Variants in FMN2 observed in about 807,000 individuals in gnomAD.
FMN2 encodes the protein formin-2.
A neutral mutation model predicts 142.3 loss-of-function variants in FMN2; 51 were observed. The ratio of observed to expected loss-of-function variants is 0.36; its 90% CI spans 0.29 to 0.45. The LOEUF (loss-of-function observed/expected upper bound fraction) is 0.45, where lower values mean the gene tolerates loss of function less well. FMN2 is among the 20% of genes least tolerant of loss of function. The probability of loss-of-function intolerance (pLI) is 1.00; values close to 1 mark genes in which losing one functional copy is unlikely to be tolerated. For missense variants in FMN2, 1,936 were observed against 2,122.8 expected (o/e 0.91, Z 1.73); for synonymous variants, 882 against 869.8 (o/e 1.01, Z -0.25).
chr1:240,446,959 G>T (rs1293083463), intron 16 of FMN2, among the ~76,000 whole-genome samples: 1 of 152,132 alleles, frequency 6.6e-6, no homozygotes, highest in Non-Finnish European at 1.5e-5. Flanking sequence ...AAAATGGAAG[G>T]TGTTTCTTCT....
intron 7 of FMN2, among the ~76,000 whole-genome samples, chr1:240,264,862 C>T (rs529774174): frequency 2.5e-4 from 38 of 152,070 alleles, no homozygotes; most frequent in Admixed American, 6.6e-4. Flanking sequence ...TTGCTTCTTC[C>T]GCCTCCTTCC....
At chr1:240,318,488 A>G (rs1343238681) in intron 8 of FMN2, among the ~76,000 whole-genome samples, 1 of 151,848 alleles carries the variant, frequency 6.6e-6, no homozygotes, top group Non-Finnish European at 1.5e-5. Context: ...GATAAATGGG[A>G]AGAAAATAGA....
chr1:240,142,417 C>T (rs1663222338), intron 2 of FMN2, among the ~76,000 whole-genome samples: 1 of 151,974 alleles, frequency 6.6e-6, no homozygotes, highest in Non-Finnish European at 1.5e-5. Flanking sequence ...GATGGATGGA[C>T]AAGAAGACTT....
Position 240,230,732 on chromosome 1 carries a change from T to C in FMN2, c.4065+19497T>C, listed in dbSNP as rs1173976248. On this transcript the variant is annotated intron_variant, in intron 6 of 17. Coordinates refer to ENST00000319653, the MANE Select transcript of FMN2 (RefSeq NM_020066.5). ...TCCTGTATAATGTTGTTGGTGTTTTTACTTGCAGCTCCTTTTACTAACATT... is the reference window on the plus strand; with the variant it reads ...TCCTGTATAATGTTGTTGGTGTTTTCACTTGCAGCTCCTTTTACTAACATT... Among the ~76,000 whole-genome samples, 2 of 132,444 alleles carry C rather than the reference T, an allele frequency of 1.5e-5. 1 individual carries two copies. Among genetic ancestry groups the C allele is most frequent in the Non-Finnish European group, 3.2e-5 (2 of 63,104 alleles). The allele number at this position is 132,444 out of a possible 152,430, so 86.9% of individuals were successfully genotyped here. A position where few individuals can be genotyped will look rare whatever the true frequency, so the allele number is the denominator to read the frequency against.
chr1:240,279,299 T>C (rs1669319577), intron 7 of FMN2, among the ~76,000 whole-genome samples: 1 of 152,212 alleles, frequency 6.6e-6, no homozygotes, highest in African/African-American at 2.4e-5. Context: ...AGAGGACAGA[T>C]ACATCTTGCT....
chr1:240,243,354 A>G (rs189883607), intron 6 of FMN2, among the ~76,000 whole-genome samples: 29 of 152,318 alleles, frequency 1.9e-4, no homozygotes, highest in Admixed American at 1.8e-3. Flanking sequence ...CTGAATCCAA[A>G]TCAAGGTTAT....
intron 1 of FMN2, among the ~76,000 whole-genome samples, chr1:240,099,686 T>C (rs1489551339): frequency 6.6e-6 from 1 of 152,230 alleles, no homozygotes; most frequent in Non-Finnish European, 1.5e-5. Context: ...ATGATTCGTC[T>C]CTTTTGCTTT....
intron 15 of FMN2, among the ~76,000 whole-genome samples, chr1:240,399,652 T>C (rs1386789360): frequency 6.6e-6 from 1 of 152,194 alleles, no homozygotes; most frequent in Non-Finnish European, 1.5e-5. Flanking sequence ...ATTGCAGACG[T>C]TCTGTTCCAG....
intron 2 of FMN2, among the ~76,000 whole-genome samples, chr1:240,166,872 A>G (rs1474201049): frequency 6.6e-6 from 1 of 152,212 alleles, no homozygotes; most frequent in African/African-American, 2.4e-5. Flanking sequence ...CTGTAATCCC[A>G]GAACTTTGGG....
rs181604567 is a variant in FMN2, at chr1:240,287,907, C to T, written c.4154-6915C>T. Among the ~76,000 whole-genome samples the T allele has an allele frequency of 4.7e-3, 719 of 152,222 alleles. 9 individuals carry two copies. Among genetic ancestry groups the T allele is most frequent in the South Asian group, 0.025 (121 of 4,808 alleles). ...ATAATAAGTTGTGTGGTCACTGTGC[C>T]CCACTGCCTTCCAGTGCCATCAGGT... On this transcript the variant is annotated intron_variant, in intron 7 of 17. Transcript: ENST00000319653.
chr1:240,197,779 C>G (rs763407653), intron 4 of FMN2, among the ~76,000 whole-genome samples: 22 of 143,916 alleles, frequency 1.5e-4, no homozygotes, highest in Non-Finnish European at 2.9e-4. Flanking sequence ...TCAAGCAATT[C>G]TGCCTCAGCC....
intron 6 of FMN2, among the ~76,000 whole-genome samples, chr1:240,224,851 G>C (rs1161326360): frequency 2.6e-5 from 4 of 152,184 alleles, no homozygotes; most frequent in African/African-American, 7.2e-5. Flanking sequence ...ATGTAGCAAT[G>C]TGTAAGAAAA....
intron 1 of FMN2, among the ~76,000 whole-genome samples, chr1:240,106,503 G>A (rs1451363247): frequency 6.6e-6 from 1 of 152,060 alleles, no homozygotes; most frequent in Non-Finnish European, 1.5e-5. Flanking sequence ...TGGATTCCTG[G>A]TAGATAATAC....
intron 6 of FMN2, among the ~76,000 whole-genome samples, chr1:240,229,414 C>T (rs1164291123): frequency 1.3e-5 from 2 of 152,096 alleles, no homozygotes; most frequent in African/African-American, 4.8e-5. Context: ...TCTTGGTAAT[C>T]AACATACCTT....
At chr1:240,360,350 T>C (rs1456172273) in intron 14 of FMN2, among the ~76,000 whole-genome samples, 2 of 152,194 alleles carry the variant, frequency 1.3e-5, no homozygotes, top group Non-Finnish European at 2.9e-5. Context: ...TCTGAATCTG[T>C]ATTTTCTGTG....
chr1:240,223,292 A>G (rs1459033836), intron 6 of FMN2, among the ~76,000 whole-genome samples: 1 of 152,046 alleles, frequency 6.6e-6, no homozygotes, highest in Non-Finnish European at 1.5e-5. Flanking sequence ...TACGTTTTTG[A>G]TTTATGTATG....
chr1:240,390,385 G>T (rs2103095367), intron 14 of FMN2, among the ~76,000 whole-genome samples: 1 of 152,274 alleles, frequency 6.6e-6, no homozygotes, highest in Non-Finnish European at 1.5e-5. Context: ...TGCCAAATTG[G>T]ATTAAAGTTT....
intron 7 of FMN2, among the ~76,000 whole-genome samples, chr1:240,288,049 T>A (rs1026126238): frequency 1.3e-5 from 2 of 152,182 alleles, no homozygotes; most frequent in African/African-American, 4.8e-5. Flanking sequence ...GAAAGGTCAG[T>A]TTATCCAGTA....
intron 2 of FMN2, among the ~76,000 whole-genome samples, chr1:240,174,432 A>G (rs1424055925): frequency 2.0e-5 from 3 of 152,154 alleles, no homozygotes; most frequent in African/African-American, 7.2e-5. Flanking sequence ...ATCATTCATT[A>G]CAGCCTCAAA....
Sources: gnomAD v4.1 joint callset for allele counts (sites outside exome capture counted in the v4.1 genomes callset) on GRCh38, gnomAD v4.1.1 for gene constraint, MANE v1.5 for transcripts, NCBI Gene and HGNC (gene_info 2026-07-23, HGNC 2026-07-21) for gene names.